Variants in BCORL1 observed in about 807,000 individuals in gnomAD.
BCORL1 encodes BCL-6 corepressor-like protein 1.
In BCORL1, 7 loss-of-function variants were observed where a neutral mutation model predicts 87.6. The ratio of observed to expected loss-of-function variants is 0.08; its 90% confidence interval spans 0.05 to 0.15. The LOEUF is 0.15. Ranked by LOEUF, BCORL1 falls within the 10% of genes least tolerant of loss-of-function variation. The pLI is 1.00. For missense variants in BCORL1, 1,215 were observed against 1,499.7 expected (o/e 0.81, Z 3.13); for synonymous variants, 591 against 634.4 (o/e 0.93, Z 1.03).
At chrX:130,040,445 G>A (rs768469300) in intron 11 of BCORL1, among the ~76,000 whole-genome samples, 3 of 112,227 alleles carry the variant, frequency 2.7e-5, no homozygotes, top group African/African-American at 9.7e-5. Flanking sequence ...AGGCTGTCGC[G>A]GGAGATCTTG....
chrX:130,009,896 C>T, intron 2 of BCORL1, among the ~76,000 whole-genome samples: 1 of 111,542 alleles, frequency 9.0e-6, no homozygotes, highest in Middle Eastern at 4.6e-3. Flanking sequence ...TCTTCCCGGG[C>T]CCCCTCCCCT....
chrX:130,020,109 C>T (rs1382445338), intron 4 of BCORL1, among the ~76,000 whole-genome samples: 1 of 112,202 alleles, frequency 8.9e-6, no homozygotes, highest in Non-Finnish European at 1.9e-5. Flanking sequence ...CCAGGACCCC[C>T]GGGTCCTAGT....
At chrX:130,036,110 C>T (rs1930926187) in intron 9 of BCORL1, among the ~76,000 whole-genome samples, 1 of 112,702 alleles carries the variant, frequency 8.9e-6, no homozygotes, top group South Asian at 3.6e-4. Flanking sequence ...TTAATGCTGC[C>T]AGCCTCTCCC....
Position 130,013,644 on chromosome X carries a change from C to G in BCORL1, c.872C>G (p.Pro291Arg), listed in dbSNP as rs1193204821. 3.3e-6 allele frequency: 4 copies of G among 1,211,586 alleles called. No individual in the cohort carries two copies. The highest frequency in any genetic ancestry group is 3.5e-5 in the African/African-American group (2 of 57,825). ...VLVPVPASAPPSGPVPLSAPA... is the reference protein window; with the variant it reads ...VLVPVPASAPRSGPVPLSAPA... ...GTGCCTGTGCCAGCTTCTGCTCCCC[C>G]TTCAGGCCCGGTTCCCTTGTCGGCT... The change falls in exon 4 of 14, where the codon CCT becomes CGT. Residue 291 changes from proline (P) to arginine (R), a missense_variant. This residue lies in a region of BCORL1 where 861 missense variants were observed against 1,010.0 expected (regional missense o/e 0.85). Transcript: ENST00000540052.
chrX:130,008,263 CA>C (rs1363781020), intron 2 of BCORL1, among the ~76,000 whole-genome samples: 1 of 103,549 alleles, frequency 9.7e-6, no homozygotes, highest in East Asian at 3.0e-4. Context: ...CTTAAGAGGA[CA>C]TTTTTTTTTT....
intron 1 of BCORL1, among the ~76,000 whole-genome samples, chrX:129,999,693 C>A (rs1008195800): frequency 1.9e-5 from 2 of 103,146 alleles, no homozygotes; most frequent in Non-Finnish European, 4.0e-5. Context: ...TTCCCCCCCC[C>A]CAGACAGAGT....
At chrX:130,043,770 ATATATATATATATATT>A (rs1266390392) in intron 11 of BCORL1, among the ~76,000 whole-genome samples, 19 of 18,982 alleles carry the variant, frequency 1.0e-3, no homozygotes, top group Admixed American at 4.0e-3. Flanking sequence ...ATATATATAT[ATATATATATATATATT>A]TTTTTTTTTT....
chrX:130,003,374 C>CTTCTTCTT (rs59660230), intron 1 of BCORL1, among the ~76,000 whole-genome samples: 12 of 91,512 alleles, frequency 1.3e-4, no homozygotes, highest in African/African-American at 5.1e-4. Context: ...TCTTCTTCTT[C>CTTCTTCTT]TTTTTTTTTT....
intron 1 of BCORL1, among the ~76,000 whole-genome samples, chrX:129,992,081 C>T (rs1603068164): frequency 9.1e-6 from 1 of 110,271 alleles, no homozygotes; most frequent in African/African-American, 3.3e-5. Context: ...GTGATCTTCC[C>T]ACTTCATCCT....
At chrX:129,989,150 T>C (rs768627651) in intron 1 of BCORL1, among the ~76,000 whole-genome samples, 2 of 110,477 alleles carry the variant, frequency 1.8e-5, no homozygotes, top group Non-Finnish European at 3.8e-5. Flanking sequence ...TTTCGTTCTT[T>C]TTTTTGACAG....
chrX:129,982,378 T>TG (rs745695034), upstream of BCORL1, among the ~76,000 whole-genome samples: 1 of 111,765 alleles, frequency 8.9e-6, no homozygotes, highest in Non-Finnish European at 1.9e-5. Flanking sequence ...CGGGGCTGCT[T>TG]GGCTCTGCCC....
chrX:130,048,133 AC>A (rs1316131715), intron 11 of BCORL1, among the ~76,000 whole-genome samples: 2 of 110,254 alleles, frequency 1.8e-5, no homozygotes, highest in Non-Finnish European at 3.8e-5. Context: ...ACTGGGGGAA[AC>A]CCGCCATCAC....
chrX:130,051,778 C>T, intron 12 of BCORL1, 82 bp from the exon 13 acceptor site: 1 of 947,034 alleles, frequency 1.1e-6, no homozygotes, highest in Non-Finnish European at 1.4e-6. Context: ...CCCTCCATGC[C>T]CCTTTATCTG....
At chrX:130,021,183 G>T in intron 5 of BCORL1, 33 bp downstream of exon 5, 5 of 1,177,771 alleles carry the variant, frequency 4.2e-6, no homozygotes, top group Non-Finnish European at 5.7e-6. Flanking sequence ...TCTGGGCTGG[G>T]CTGCAGAGGG....
chrX:130,053,595 G>A (rs1355493440), intron 13 of BCORL1, among the ~76,000 whole-genome samples: 1 of 112,136 alleles, frequency 8.9e-6, no homozygotes, highest in African/African-American at 3.2e-5. Context: ...AGCGAGCTGA[G>A]TGGCAGGCAC....
intron 11 of BCORL1, among the ~76,000 whole-genome samples, chrX:130,044,926 T>C (rs983710869): frequency 8.9e-6 from 1 of 112,775 alleles, no homozygotes; most frequent in Non-Finnish European, 1.9e-5. Flanking sequence ...TTTTCTTATA[T>C]TGGGTTGACT....
intron 9 of BCORL1, among the ~76,000 whole-genome samples, chrX:130,035,558 T>C (rs1930885910): frequency 3.6e-5 from 4 of 111,946 alleles, no homozygotes; most frequent in Non-Finnish European, 7.5e-5. Context: ...ACCTGAGTTG[T>C]TTCACACCAG....
At chrX:130,025,749 C>A (rs1177304085) in intron 7 of BCORL1, among the ~76,000 whole-genome samples, 1 of 110,771 alleles carries the variant, frequency 9.0e-6, no homozygotes, top group Non-Finnish European at 1.9e-5. Flanking sequence ...CTCCTAGAAT[C>A]TTGGGTTCAA....
At chrX:130,009,895 G>C (rs1284310270) in intron 2 of BCORL1, among the ~76,000 whole-genome samples, 3 of 111,281 alleles carry the variant, frequency 2.7e-5, no homozygotes, top group African/African-American at 9.8e-5. Context: ...CTCTTCCCGG[G>C]CCCCCTCCCC....
Sources: gnomAD v4.1 joint callset for allele counts (sites outside exome capture counted in the v4.1 genomes callset) on GRCh38, gnomAD v4.1.1 for gene constraint, gnomAD v4.1.1 regional missense constraint, MANE v1.5 for transcripts, NCBI Gene and HGNC (gene_info 2026-07-23, HGNC 2026-07-21) for gene names.